The following SREBF2 variants were observed in gnomAD, a reference collection of about 807,000 sequenced individuals.
SREBF2 encodes sterol regulatory element binding transcription factor 2.
A neutral mutation model predicts 113.1 loss-of-function variants in SREBF2; 55 were observed. The observed-to-expected ratio is 0.49, with a 90% CI of 0.39 to 0.61. The LOEUF (loss-of-function observed/expected upper bound fraction) is 0.61, where lower values mean the gene tolerates loss of function less well. Ranked by LOEUF, SREBF2 falls within the 20% of genes least tolerant of loss-of-function variation. The probability of loss-of-function intolerance (pLI) is 0.00; values close to 1 mark genes in which losing one functional copy is unlikely to be tolerated. For missense variants in SREBF2, 1,349 were observed against 1,487.4 expected, an observed-to-expected ratio of 0.91 and a Z score of 1.53; for synonymous variants, 593 against 605.7, an observed-to-expected ratio of 0.98 and a Z score of 0.31.
chr22:41,841,158 CCCT>C (rs1237394643), intron 1 of SREBF2, among the ~76,000 whole-genome samples: 2 of 152,066 alleles, frequency 1.3e-5, no homozygotes, highest in Non-Finnish European at 2.9e-5. Flanking sequence ...GTCAGCACAC[CCCT>C]AGGAGGTGGA....
chr22:41,840,516 C>T (rs1318756354), intron 1 of SREBF2, among the ~76,000 whole-genome samples: 1 of 152,166 alleles, frequency 6.6e-6, no homozygotes, highest in Non-Finnish European at 1.5e-5. Flanking sequence ...AGAAAGAGTA[C>T]ATTTAGGTAA....
chr22:41,838,194 A>G (rs1225003186), intron 1 of SREBF2, among the ~76,000 whole-genome samples: 1 of 152,182 alleles, frequency 6.6e-6, no homozygotes, highest in Non-Finnish European at 1.5e-5. Context: ...GCTGGGTCCA[A>G]ATAGATGGGT....
intron 12 of SREBF2, among the ~76,000 whole-genome samples, chr22:41,894,017 C>T (rs1014632151): frequency 1.3e-5 from 2 of 152,106 alleles, no homozygotes; most frequent in Non-Finnish European, 2.9e-5. Flanking sequence ...TAAATAATAA[C>T]TGTATTGCTC....
rs1569410555 is a variant in SREBF2, at chr22:41,898,759, C to A, written c.2716C>A (p.Pro906Thr). 2 of 1,613,962 alleles carry A rather than the reference C, an allele frequency of 1.2e-6. No individual in the cohort carries two copies. The highest frequency in any genetic ancestry group is 1.7e-6 in the Non-Finnish European group (2 of 1,180,018). The change falls in exon 15 of 19, where the codon CCC becomes ACC. Residue 906 changes from proline to threonine, a missense_variant. This residue lies in a region of SREBF2 where 650 missense variants were observed against 644.1 expected (regional missense o/e 1.01). Coordinates refer to ENST00000361204, the MANE Select transcript of SREBF2 (RefSeq NM_004599.4). ...TCATTTTACCAAAGTGGAACGCATC[C>A]CCAAGGCCCTGGAAGTGACAGAGTG... ...RSHFTKVERIPKALEVTESPL... is the reference protein window; with the variant it reads ...RSHFTKVERITKALEVTESPL...
intron 1 of SREBF2, among the ~76,000 whole-genome samples, chr22:41,851,617 C>A (rs1414098954): frequency 6.6e-6 from 1 of 152,110 alleles, no homozygotes; most frequent in Non-Finnish European, 1.5e-5. Context: ...CCTCAGCCTT[C>A]CAAGTAGCTG....
At chr22:41,880,533 T>C (rs1472754110) in intron 9 of SREBF2, among the ~76,000 whole-genome samples, 183 bp from the exon 10 acceptor site, 2 of 152,236 alleles carry the variant, frequency 1.3e-5, no homozygotes, top group African/African-American at 4.8e-5. Context: ...CAGGGATTCT[T>C]CCTGGGGGAT....
At chr22:41,892,205 G>A (rs143432088) in intron 11 of SREBF2, among the ~76,000 whole-genome samples, 7 of 152,328 alleles carry the variant, frequency 4.6e-5, no homozygotes, top group African/African-American at 1.7e-4. Context: ...CCTCCCAGCT[G>A]CCCCTTCACT....
chr22:41,884,923 A>C lies in SREBF2; in HGVS notation c.2120A>C (p.Lys707Thr), dbSNP rs776785772. The C allele has an allele frequency of 1.1e-5, 18 of 1,614,004 alleles. No homozygotes were observed. Among genetic ancestry groups the C allele is most frequent in the Non-Finnish European group, 1.5e-5 (18 of 1,180,020 alleles). Residue 707 changes from lysine to threonine, a missense_variant, in exon 11 of 19, where the codon AAG becomes ACG. Physicochemically the swap from Lys to Thr is moderately conservative, Grantham distance 78 (BLOSUM62 -1). Around this residue, in one of 2 missense-constraint regions of SREBF2, gnomAD observed 650 missense variants for 644.1 expected, o/e 1.01. Coordinates refer to ENST00000361204, the MANE Select transcript of SREBF2 (RefSeq NM_004599.4). ...AVNLAECAEEKIPPSTLVEIH... is the reference protein window; with the variant it reads ...AVNLAECAEETIPPSTLVEIH... Reference sequence around the variant, plus strand: ...AACCTGGCTGAATGTGCAGAGGAGAAGATCCCACCGAGCACACTGGTTGAG... The same window carrying C: ...AACCTGGCTGAATGTGCAGAGGAGACGATCCCACCGAGCACACTGGTTGAG...
intron 11 of SREBF2, among the ~76,000 whole-genome samples, chr22:41,889,893 C>T (rs886598668): frequency 3.3e-5 from 5 of 152,012 alleles, no homozygotes; most frequent in African/African-American, 7.2e-5. Context: ...CCCAGCTACT[C>T]GGAAGGCTGA....
intron 3 of SREBF2, 137 bp downstream of exon 3, chr22:41,868,929 G>C: frequency 1.8e-6 from 2 of 1,099,134 alleles, no homozygotes; most frequent in Non-Finnish European, 2.7e-6. Flanking sequence ...GGATGCACCT[G>C]TGAGCAGCGT....
At position 41,905,407 on chromosome 22, in the gene SREBF2, T is replaced by G. The variant is rs1272181919; in HGVS notation, c.3206-33T>G. 6 of 1,541,726 alleles carry G rather than the reference T, an allele frequency of 3.9e-6. No homozygotes were observed. In the African/African-American group the frequency reaches 5.4e-5, roughly 14 times the overall value. On this transcript the variant is annotated intron_variant, in intron 18 of 18. Coordinates refer to ENST00000361204, the MANE Select transcript of SREBF2 (RefSeq NM_004599.4). ...GGAACTGCACCAACTTCATGGTAGA[T>G]TCTCGGTTGTGACACACATCTCCTT...
chr22:41,897,277 C>T (rs1045824670), intron 14 of SREBF2, 116 bp downstream of exon 14: 9 of 636,302 alleles, frequency 1.4e-5, no homozygotes, highest in South Asian at 3.8e-5. Flanking sequence ...TCTCTGGATC[C>T]CAGGTTCATA....
chr22:41,905,293 C>G, intron 18 of SREBF2, 147 bp from the exon 19 acceptor site: 1 of 839,794 alleles, frequency 1.2e-6, no homozygotes, highest in South Asian at 1.6e-5. Context: ...TGGACAAGTT[C>G]ACTTCTTTTC....
At chr22:41,905,025 G>C in intron 18 of SREBF2, 51 bp downstream of exon 18, 2 of 1,497,364 alleles carry the variant, frequency 1.3e-6, no homozygotes, top group Non-Finnish European at 1.8e-6. Flanking sequence ...CTGCGCCCTA[G>C]GAAGAGAGGA....
chr22:41,864,470 A>G (rs1169417994), intron 1 of SREBF2, among the ~76,000 whole-genome samples: 1 of 149,936 alleles, frequency 6.7e-6, no homozygotes, highest in African/African-American at 2.5e-5. Context: ...ACAGGCGCCC[A>G]CCACCACGCC....
chr22:41,870,922 T>C lies in SREBF2; in HGVS notation c.754T>C (p.Ser252Pro). ...LVQPQIIKTDSLVLTTLKTDG... is the reference protein window; with the variant it reads ...LVQPQIIKTDPLVLTTLKTDG... ...CCAGCCTCAGATCATCAAGACAGAT[T>C]CCCTTGTTTTGACCACACTGAAGAC... is the stretch of plus-strand genomic sequence containing the variant. The change falls in exon 4 of 19, where the codon TCC becomes CCC. Residue 252 changes from serine to proline, a missense_variant. This residue lies in a region of SREBF2 where 699 missense variants were observed against 843.3 expected (regional missense o/e 0.83). Coordinates refer to ENST00000361204, the MANE Select transcript of SREBF2 (RefSeq NM_004599.4). The C allele has an allele frequency of 6.2e-7, 1 of 1,614,098 alleles. No individual in the cohort carries two copies. Among genetic ancestry groups the C allele is most frequent in the South Asian group, 1.1e-5 (1 of 91,074 alleles).
Position 41,833,110 on chromosome 22 carries a change from T to C in SREBF2, c.-161T>C, listed in dbSNP as rs563077242. 4.2e-3 allele frequency: 2,148 copies of C among 512,522 alleles called. 12 individuals are homozygous for C. Among genetic ancestry groups the C allele is most frequent in the Middle Eastern group, 5.9e-3 (11 of 1,858 alleles). The allele number at this position is 512,522 out of a possible 1,614,324, so 31.7% of individuals were successfully genotyped here. On this transcript the variant is annotated 5_prime_UTR_variant, in exon 1 of 19. Transcript: ENST00000361204. This position sits in a 1 kb window ranked among gnomAD's most constrained non-coding sequence, Gnocchi z 4.1. ...CGGGGGAATCCCGCCCCGCCCTTTC[T>C]GTGCGGCGCCCGGGCGCAACGCAAA...
Position 41,833,420 on chromosome 22 carries a change from G to C in SREBF2, c.88+62G>C. The C allele has an allele frequency of 2.1e-6, 3 of 1,430,854 alleles. No individual in the cohort carries two copies. The highest frequency in any genetic ancestry group is 2.1e-4 in the Middle Eastern group (1 of 4,806). The allele number at this position is 1,430,854 out of a possible 1,614,324, so 88.6% of individuals were successfully genotyped here. On this transcript the variant is annotated intron_variant, in intron 1 of 18. Transcript: ENST00000361204. The surrounding 1 kb of genome is among the most constrained non-coding windows in gnomAD (Gnocchi z 4.1). Reference sequence around the variant, plus strand: ...GGGGAGGAAGGGGTTACGGCGGCGCGCCCGGGTGCGCGTGCGCCCACCCCC... The same window carrying C: ...GGGGAGGAAGGGGTTACGGCGGCGCCCCCGGGTGCGCGTGCGCCCACCCCC...
At chr22:41,896,150 AAAAG>A (rs1347723846) in intron 13 of SREBF2, among the ~76,000 whole-genome samples, 5 of 151,588 alleles carry the variant, frequency 3.3e-5, no homozygotes, top group African/African-American at 4.8e-5. Context: ...CAAAAAAAAA[AAAAG>A]AAAGGGGATG....
Sources: gnomAD v4.1 joint callset for allele counts (sites outside exome capture counted in the v4.1 genomes callset) on GRCh38, gnomAD v4.1.1 for gene constraint, gnomAD v4.1.1 regional missense constraint, Gnocchi (gnomAD v3.1) non-coding constraint, MANE v1.5 for transcripts, NCBI Gene and HGNC (gene_info 2026-07-23, HGNC 2026-07-21) for gene names.